Variants in COL8A1 observed in about 807,000 individuals in gnomAD.
COL8A1 encodes the protein collagen alpha-1(VIII) chain.
In COL8A1, 21 loss-of-function variants were observed where a neutral mutation model predicts 42.7. The observed-to-expected ratio is 0.49, with a 90% confidence interval of 0.35 to 0.71. The LOEUF (loss-of-function observed/expected upper bound fraction) is 0.71. Ranked by LOEUF, COL8A1 falls within the 30% of genes least tolerant of loss-of-function variation. The probability of loss-of-function intolerance (pLI) is 0.01; values close to 1 mark genes in which losing one functional copy is unlikely to be tolerated. For synonymous variants in COL8A1, 367 were observed against 369.1 expected (o/e 0.99, Z 0.06); for missense variants, 788 against 962.4 (o/e 0.82, Z 2.40).
At chr3:99,661,643 G>A (rs977384374) in intron 1 of COL8A1, among the ~76,000 whole-genome samples, 23 of 152,126 alleles carry the variant, frequency 1.5e-4, no homozygotes, top group African/African-American at 3.6e-4. Flanking sequence ...AACTGAAAGC[G>A]AGGTCTCCAA....
intron 1 of COL8A1, among the ~76,000 whole-genome samples, chr3:99,649,806 T>C (rs932224791): frequency 3.0e-4 from 46 of 151,550 alleles, no homozygotes; most frequent in African/African-American, 9.9e-4. Flanking sequence ...CACACACACA[T>C]ACACATACAC....
At chr3:99,732,827 T>C (rs1217953040) in intron 1 of COL8A1, among the ~76,000 whole-genome samples, 1 of 152,078 alleles carries the variant, frequency 6.6e-6, no homozygotes, top group Non-Finnish European at 1.5e-5. Context: ...CTCCCACCTA[T>C]GAGCCTATAA....
At chr3:99,674,505 C>T (rs924147562) in intron 1 of COL8A1, among the ~76,000 whole-genome samples, 2 of 151,796 alleles carry the variant, frequency 1.3e-5, no homozygotes, top group African/African-American at 4.8e-5. Flanking sequence ...CTGCCACTGG[C>T]TCACACATGA....
Position 99,794,723 on chromosome 3 carries a change from A to G in COL8A1, c.822A>G (p.Pro274=). The part of the protein sequence containing the change: ...GPVGLPGVGK[P]GVTGFPGPQG... Reference sequence around the variant, plus strand: ...TTGGACTGCCAGGAGTGGGCAAACCAGGAGTGACAGGCTTCCCTGGGCCCC... The same window carrying G: ...TTGGACTGCCAGGAGTGGGCAAACCGGGAGTGACAGGCTTCCCTGGGCCCC... The change falls in exon 4 of 4, where the codon CCA becomes CCG. Residue 274 remains proline (P), a synonymous_variant. Transcript: ENST00000652472. This position sits in a 1 kb window ranked among gnomAD's most constrained non-coding sequence, Gnocchi z 4.3. 1 of 1,607,224 alleles carries G rather than the reference A, an allele frequency of 6.2e-7. No homozygotes were observed. Among genetic ancestry groups the G allele is most frequent in the Admixed American group, 1.7e-5 (1 of 58,380 alleles).
chr3:99,798,048 A>G lies in COL8A1; in HGVS notation c.*1912A>G, dbSNP rs1942134266. 1 of 152,174 alleles carries G rather than the reference A, an allele frequency of 6.6e-6. No individual in the cohort carries two copies. The highest frequency in any genetic ancestry group is 2.4e-5 in the African/African-American group (1 of 41,442). The allele number at this position is 152,174 out of a possible 1,614,324, so 9.4% of individuals were successfully genotyped here. A position where few individuals can be genotyped will look rare whatever the true frequency, so the allele number is the denominator to read the frequency against. On this transcript the variant is annotated 3_prime_UTR_variant, in exon 4 of 4. Transcript: ENST00000652472. ...AAAAATAAAACCATGAGTTAAGGGG[A>G]TAGATATAGATGGAAAAATACACAA...
chr3:99,675,305 T>A (rs745419609), intron 1 of COL8A1, among the ~76,000 whole-genome samples: 3 of 152,050 alleles, frequency 2.0e-5, no homozygotes, highest in Non-Finnish European at 4.4e-5. Flanking sequence ...ATGAGAAAAA[T>A]TATTATAGAA....
chr3:99,653,196 C>T (rs935854843), intron 1 of COL8A1, among the ~76,000 whole-genome samples: 10 of 152,182 alleles, frequency 6.6e-5, no homozygotes, highest in Non-Finnish European at 1.0e-4. Flanking sequence ...GCCAGCACAG[C>T]GGTCATTTAG....
chr3:99,669,159 A>G (rs1367932094), intron 1 of COL8A1, among the ~76,000 whole-genome samples: 1 of 144,440 alleles, frequency 6.9e-6, no homozygotes, highest in East Asian at 2.0e-4. Flanking sequence ...AGGGAGAGAG[A>G]GAGAGAGAGA....
rs190995966 is a variant in COL8A1 at position 99,761,551 on chromosome 3, C to T, written c.-4+16530C>T. On this transcript the variant is annotated intron_variant, in intron 2 of 3. Transcript: ENST00000652472. Reference sequence around the variant, plus strand: ...CTTGCACATGATACAGGAATAAATTCGCAGCCTGTGTTGAAGCTGTAACTA... The same window carrying T: ...CTTGCACATGATACAGGAATAAATTTGCAGCCTGTGTTGAAGCTGTAACTA... Among the ~76,000 whole-genome samples, 383 of 152,266 alleles carry T rather than the reference C, an allele frequency of 2.5e-3. 2 individuals are homozygous for T. The highest frequency in any genetic ancestry group is 3.7e-3 in the Non-Finnish European group (250 of 68,004).
At chr3:99,645,141 T>G (rs7645305) in intron 1 of COL8A1, among the ~76,000 whole-genome samples, 29,241 of 152,158 alleles carry the variant, frequency 0.19, 2,990 homozygotes, top group Non-Finnish European at 0.23. Context: ...GTCTACACTC[T>G]GACGATAAGC....
chr3:99,769,922 A>C (rs1941545426), intron 2 of COL8A1, among the ~76,000 whole-genome samples: 1 of 152,182 alleles, frequency 6.6e-6, no homozygotes, highest in Non-Finnish European at 1.5e-5. Context: ...CCATCCAAAA[A>C]AAAATTACAA....
At chr3:99,721,679 ATAAT>A (rs1940160195) in intron 1 of COL8A1, among the ~76,000 whole-genome samples, 1 of 152,310 alleles carries the variant, frequency 6.6e-6, no homozygotes, top group African/African-American at 2.4e-5. Context: ...TATCTGGAGT[ATAAT>A]TAAATTCAAA....
intron 1 of COL8A1, among the ~76,000 whole-genome samples, chr3:99,644,904 A>G (rs1937615208): frequency 6.6e-6 from 1 of 152,206 alleles, no homozygotes; most frequent in African/African-American, 2.4e-5. Flanking sequence ...GCTAGATAAA[A>G]CAGCTGCTTT....
At chr3:99,770,502 T>A (rs1317119664) in intron 2 of COL8A1, among the ~76,000 whole-genome samples, 1 of 152,258 alleles carries the variant, frequency 6.6e-6, no homozygotes, top group Non-Finnish European at 1.5e-5. Context: ...AACTACCATG[T>A]GTCAAATGTT....
At position 99,736,536 on chromosome 3, in the gene COL8A1, C is replaced by T. The variant is rs563207187; in HGVS notation, c.-128-8361C>T. 6.2e-3 allele frequency among the ~76,000 whole-genome samples: 940 copies of T among 152,078 alleles called. 10 individuals are homozygous for T. Among genetic ancestry groups the T allele is most frequent in the African/African-American group, 0.02 (833 of 41,444 alleles). ...GTTGTTCAGTTTCCATGTAGTTGAG[C>T]GGTTTTGAGTGAGATTCTTAATCCT... On this transcript the variant is annotated intron_variant, in intron 1 of 3. Coordinates refer to ENST00000652472, the MANE Select transcript of COL8A1 (RefSeq NM_020351.4).
chr3:99,699,649 G>A (rs1939477620), intron 1 of COL8A1, among the ~76,000 whole-genome samples: 1 of 152,018 alleles, frequency 6.6e-6, no homozygotes, highest in South Asian at 2.1e-4. Context: ...CTGAGCACAG[G>A]GCTTTCTCCA....
At chr3:99,649,067 G>A (rs894063888) in intron 1 of COL8A1, among the ~76,000 whole-genome samples, 1 of 151,704 alleles carries the variant, frequency 6.6e-6, no homozygotes, top group South Asian at 2.1e-4. Context: ...CTCTCTGCTT[G>A]TAGTATTTCT....
chr3:99,718,941 T>A (rs1940076261), intron 1 of COL8A1, among the ~76,000 whole-genome samples: 1 of 151,994 alleles, frequency 6.6e-6, no homozygotes, highest in Non-Finnish European at 1.5e-5. Flanking sequence ...AATAATAGAA[T>A]ATTAAATATT....
At chr3:99,644,436 A>G (rs1011595937) in intron 1 of COL8A1, among the ~76,000 whole-genome samples, 2 of 152,252 alleles carry the variant, frequency 1.3e-5, no homozygotes, top group African/African-American at 2.4e-5. Flanking sequence ...TCACTCCATC[A>G]TAGAAAGTGA....
Sources: gnomAD v4.1 joint callset for allele counts (sites outside exome capture counted in the v4.1 genomes callset) on GRCh38, gnomAD v4.1.1 for gene constraint, Gnocchi (gnomAD v3.1) non-coding constraint, MANE v1.5 for transcripts, NCBI Gene and HGNC (gene_info 2026-07-23, HGNC 2026-07-21) for gene names.